The following TFAP2B variants were observed in gnomAD, a reference collection of about 807,000 sequenced individuals.
The protein encoded by TFAP2B is transcription factor AP-2-beta.
In TFAP2B, 9 loss-of-function variants were observed where a neutral mutation model predicts 44.3. The ratio of observed to expected loss-of-function variants is 0.20; its 90% CI spans 0.12 to 0.35. The LOEUF (loss-of-function observed/expected upper bound fraction) is 0.35, where lower values mean the gene tolerates loss of function less well. Ranked by LOEUF, TFAP2B falls within the 10% of genes least tolerant of loss-of-function variation. The pLI, the probability that TFAP2B is intolerant of heterozygous loss-of-function variation, is 1.00. For synonymous variants in TFAP2B, 270 were observed against 263.8 expected (o/e 1.02, Z -0.23); for missense variants, 509 against 600.0 (o/e 0.85, Z 1.59).
At chr6:50,837,671 T>C (rs1762648966) in intron 4 of TFAP2B, among the ~76,000 whole-genome samples, 1 of 152,150 alleles carries the variant, frequency 6.6e-6, no homozygotes, top group Non-Finnish European at 1.5e-5. Context: ...AACATGCACG[T>C]GCATGTGCAG....
chr6:50,822,207 C>A (rs1310834165), intron 1 of TFAP2B: 1 of 1,278,770 alleles, frequency 7.8e-7, no homozygotes, highest in Non-Finnish European at 1.0e-6. Flanking sequence ...TCCCTCCTCT[C>A]ACTGTCTCTC....
chr6:50,828,598 GTGA>G lies in TFAP2B; in HGVS notation c.541-18_541-16del, dbSNP rs1329931679. The G allele has an allele frequency of 6.2e-7, 1 of 1,600,094 alleles. No homozygotes were observed. The highest frequency in any genetic ancestry group is 8.6e-7 in the Non-Finnish European group (1 of 1,167,392). On this transcript the variant is annotated intron_variant, in intron 2 of 6. Coordinates refer to ENST00000393655, the MANE Select transcript of TFAP2B (RefSeq NM_003221.4). ...CTTTAATATCCTGTCAATTTGAATAGTGATGTTTTTATATTCACAGTCAGTTGA... is the reference window on the plus strand; with the variant it reads ...CTTTAATATCCTGTCAATTTGAATAGTGTTTTTATATTCACAGTCAGTTGA...
chr6:50,825,994 A>G (rs563628344), intron 2 of TFAP2B, among the ~76,000 whole-genome samples: 1 of 152,278 alleles, frequency 6.6e-6, no homozygotes, highest in African/African-American at 2.4e-5. Flanking sequence ...AGGGCAGGTG[A>G]CAAAGACCAG....
chr6:50,844,302 A>AAC lies in TFAP2B; in HGVS notation c.*924_*925dup, dbSNP rs35649205. The AAC allele has an allele frequency of 4.5e-3, 660 of 147,730 alleles. 3 individuals are homozygous for AAC. The highest frequency in any genetic ancestry group is 7.0e-3 in the Non-Finnish European group (471 of 66,898). 9.2% of individuals were successfully genotyped at this position (147,730 alleles called of 1,614,324 possible). A position where few individuals can be genotyped will look rare whatever the true frequency, so the allele number is the denominator to read the frequency against. On this transcript the variant is annotated 3_prime_UTR_variant, in exon 7 of 7. Transcript: ENST00000393655. ...TTATGAACTATAGTAAAAAAAAAAAAACACACACACACACAATATGAATAC... is the reference window on the plus strand; with the variant it reads ...TTATGAACTATAGTAAAAAAAAAAAAACACACACACACACACAATATGAATAC...
At chr6:50,834,828 T>C (rs1332696098) in intron 3 of TFAP2B, among the ~76,000 whole-genome samples, 2 of 152,178 alleles carry the variant, frequency 1.3e-5, no homozygotes, top group Non-Finnish European at 2.9e-5. Flanking sequence ...GGACTGGTGA[T>C]CGACAAATAC....
intron 1 of TFAP2B, chr6:50,822,183 C>T: frequency 1.3e-5 from 17 of 1,302,638 alleles, no homozygotes; most frequent in Non-Finnish European, 1.7e-5. Context: ...TCACGTGTTA[C>T]CAGAATTGCA....
Position 50,843,482 on chromosome 6 carries a change from C to A in TFAP2B, c.*90C>A. 2 of 1,351,410 alleles carry A rather than the reference C, an allele frequency of 1.5e-6. No homozygotes were observed. Among genetic ancestry groups the A allele is most frequent in the South Asian group, 1.3e-5 (1 of 74,738 alleles). 83.7% of individuals were successfully genotyped at this position (1,351,410 alleles called of 1,614,324 possible). ...TTTTAGCTTTAAAATATTGGATTGGCTTTGGAAGAATTATATTAGGTAGAA... is the reference window on the plus strand; with the variant it reads ...TTTTAGCTTTAAAATATTGGATTGGATTTGGAAGAATTATATTAGGTAGAA... On this transcript the variant is annotated 3_prime_UTR_variant, in exon 7 of 7. Coordinates refer to ENST00000393655, the MANE Select transcript of TFAP2B (RefSeq NM_003221.4).
chr6:50,827,298 GA>G (rs1359750489), intron 2 of TFAP2B, among the ~76,000 whole-genome samples: 1 of 152,216 alleles, frequency 6.6e-6, no homozygotes, highest in African/African-American at 2.4e-5. Flanking sequence ...CAAGTTACAT[GA>G]AATATTTTTA....
rs905015043 is a variant in TFAP2B at position 50,847,335 on chromosome 6, G to A, written c.*3943G>A. ...AAATATCAATCTATTGACTCTTCAC[G>A]AGAAGAGCTCTGGAGGGTATTCATG... On this transcript the variant is annotated 3_prime_UTR_variant, in exon 7 of 7. Transcript: ENST00000393655. 2.0e-5 allele frequency: 3 copies of A among 152,512 alleles called. No homozygotes were observed. The highest frequency in any genetic ancestry group is 1.3e-4 in the Admixed American group (2 of 15,270). The allele number at this position is 152,512 out of a possible 1,614,324, so 9.4% of individuals were successfully genotyped here.
chr6:50,819,199 A>G (rs1770254295), intron 1 of TFAP2B, among the ~76,000 whole-genome samples: 1 of 151,910 alleles, frequency 6.6e-6, no homozygotes, highest in African/African-American at 2.4e-5. Flanking sequence ...GTTTTTATTT[A>G]TTTTATTTTT....
At chr6:50,842,130 G>T (rs9463649) in intron 6 of TFAP2B, among the ~76,000 whole-genome samples, 3,909 of 152,294 alleles carry the variant, frequency 0.026, 168 homozygotes, top group African/African-American at 0.088. Context: ...CCATAGGCTG[G>T]GTACAGGCAG....
chr6:50,835,370 G>C (rs1056236441), intron 3 of TFAP2B, among the ~76,000 whole-genome samples: 1 of 152,204 alleles, frequency 6.6e-6, no homozygotes, highest in African/African-American at 2.4e-5. Flanking sequence ...CTGAAGATGA[G>C]CATTTGGGTT....
At position 50,843,527 on chromosome 6, in the gene TFAP2B, TTAAA is replaced by T. The variant is rs1356803450; in HGVS notation, c.*136_*139del. On this transcript the variant is annotated 3_prime_UTR_variant, in exon 7 of 7. Transcript: ENST00000393655. ...GTAGAATACACATACAATCAAAATT[TTAAA>T]AAAAAAAGCTAAATAACTTAAAAAA... The T allele has an allele frequency of 1.9e-5, 16 of 830,690 alleles. No individual in the cohort carries two copies. In the South Asian group the frequency reaches 3.1e-4, roughly 16 times the overall value. 51.5% of individuals were successfully genotyped at this position (830,690 alleles called of 1,614,324 possible).
At chr6:50,830,768 T>C (rs1278027075) in intron 3 of TFAP2B, among the ~76,000 whole-genome samples, 1 of 152,224 alleles carries the variant, frequency 6.6e-6, no homozygotes, top group South Asian at 2.1e-4. Flanking sequence ...AAAGTTGTGG[T>C]GAGTTCATTA....
chr6:50,834,303 T>A (rs1043914684), intron 3 of TFAP2B, among the ~76,000 whole-genome samples: 1 of 152,250 alleles, frequency 6.6e-6, no homozygotes, highest in Non-Finnish European at 1.5e-5. Flanking sequence ...CACCTCTCTA[T>A]ATCCCCTGTC....
rs1581824370 is a variant in TFAP2B at position 50,835,988 on chromosome 6, A to C, written c.602-73A>C. On this transcript the variant is annotated intron_variant, in intron 3 of 6. Coordinates refer to ENST00000393655, the MANE Select transcript of TFAP2B (RefSeq NM_003221.4). ...GTGTCTGTCCTGTGGCCTCACACAG[A>C]GACACATTCTATCAGCCGGTCATCA... 2.5e-6 allele frequency: 3 copies of C among 1,216,516 alleles called. No homozygotes were observed. In the East Asian group the frequency reaches 7.0e-5, roughly 28 times the overall value. 75.4% of individuals were successfully genotyped at this position (1,216,516 alleles called of 1,614,324 possible). A position where few individuals can be genotyped will look rare whatever the true frequency, so the allele number is the denominator to read the frequency against.
intron 1 of TFAP2B, among the ~76,000 whole-genome samples, chr6:50,820,345 G>A (rs1023304924): frequency 1.3e-5 from 2 of 152,234 alleles, no homozygotes; most frequent in African/African-American, 2.4e-5. Flanking sequence ...GGGGGACTCG[G>A]GCTCGGACGA....
Position 50,818,885 on chromosome 6 carries a change from C to T in TFAP2B, c.-7C>T. ...CCTGAGAAGCCAGACATCTGCTCCT[C>T]ACATGAATGCACTCACCTCCTAGAG... On this transcript the variant is annotated 5_prime_UTR_variant, in exon 1 of 7. Coordinates refer to ENST00000393655, the MANE Select transcript of TFAP2B (RefSeq NM_003221.4). The T allele has an allele frequency of 1.9e-6, 3 of 1,613,942 alleles. No homozygotes were observed. Among genetic ancestry groups the T allele is most frequent in the Non-Finnish European group, 2.5e-6 (3 of 1,179,894 alleles).
chr6:50,822,199 C>G, intron 1 of TFAP2B: 1 of 1,289,472 alleles, frequency 7.8e-7, no homozygotes, highest in Non-Finnish European at 1.0e-6. Flanking sequence ...TTGCATGCTC[C>G]CTCCTCTCAC....
Sources: allele counts gnomAD v4.1 joint callset (sites outside exome capture counted in the v4.1 genomes callset), GRCh38; gene constraint gnomAD v4.1.1; transcripts MANE v1.5; gene names NCBI Gene and HGNC (gene_info 2026-07-23, HGNC 2026-07-21).